Variants in VPS8 observed in about 807,000 individuals in gnomAD.
VPS8 encodes VPS8 subunit of CORVET complex, also known as vacuolar protein sorting-associated protein 8 homolog.
Under a neutral mutation model 216.4 loss-of-function variants are expected in VPS8, and 129 were observed. The observed-to-expected ratio is 0.60, with a 90% CI of 0.52 to 0.69. The LOEUF is 0.69. Ranked by LOEUF, VPS8 falls within the 30% of genes least tolerant of loss-of-function variation. The pLI, the probability that VPS8 is intolerant of heterozygous loss-of-function variation, is 0.00. For missense variants in VPS8, 1,531 were observed against 1,683.5 expected (o/e 0.91, Z 1.59); for synonymous variants, 571 against 565.4 (o/e 1.01, Z -0.14).
intron 20 of VPS8, among the ~76,000 whole-genome samples, chr3:184,870,324 T>C (rs1461471166): frequency 6.6e-6 from 1 of 152,192 alleles, no homozygotes; most frequent in Admixed American, 6.5e-5. Flanking sequence ...GTAAAAATTA[T>C]ATTCCAAATT....
chr3:184,916,199 G>A (rs1183648322), intron 28 of VPS8, among the ~76,000 whole-genome samples: 1 of 152,164 alleles, frequency 6.6e-6, no homozygotes, highest in Non-Finnish European at 1.5e-5. Flanking sequence ...ACCTTTATAC[G>A]TGTTCAATTA....
At chr3:184,848,956 A>G in intron 8 of VPS8, 115 bp from the exon 9 acceptor site, 3 of 1,136,990 alleles carry the variant, frequency 2.6e-6, no homozygotes, top group Non-Finnish European at 3.8e-6. Flanking sequence ...ATGTGACTTC[A>G]TTATCTGCTG....
At chr3:184,841,116 T>C (rs554717030) in intron 7 of VPS8, among the ~76,000 whole-genome samples, 2 of 152,254 alleles carry the variant, frequency 1.3e-5, no homozygotes, top group East Asian at 3.9e-4. Context: ...AAATTATAAT[T>C]CCCTTGAAGG....
intron 36 of VPS8, among the ~76,000 whole-genome samples, chr3:184,943,243 A>G (rs776459773): frequency 3.3e-5 from 5 of 152,246 alleles, no homozygotes; most frequent in Admixed American, 2.0e-4. Flanking sequence ...TGAGAAATAT[A>G]TAAATGACAT....
intron 45 of VPS8, 54 bp downstream of exon 45, chr3:184,999,915 T>C (rs2291737): frequency 0.96 from 1,479,248 of 1,535,724 alleles, 715,175 homozygotes; most frequent in Non-Finnish European, 0.98. Flanking sequence ...CCAATGTCAT[T>C]TGGGCCTGGT....
At position 184,849,952 on chromosome 3, in the gene VPS8, T is replaced by C; in HGVS notation, c.683T>C (p.Leu228Ser). 6.2e-7 allele frequency: 1 copy of C among 1,613,124 alleles called. No individual in the cohort carries two copies. Among genetic ancestry groups the C allele is most frequent in the Non-Finnish European group, 8.5e-7 (1 of 1,179,552 alleles). The change falls in exon 10 of 48, where the codon TTG (leucine) becomes TCG (serine). Residue 228 changes from leucine (L) to serine (S), a missense_variant. Transcript: ENST00000625842. Reference protein sequence around the residue: ...FAKGQITMWDLASGKLLRSIT... With the variant: ...FAKGQITMWDSASGKLLRSIT... Reference sequence around the variant, plus strand: ...GTCTTATAGATCACCATGTGGGATTTGGCCAGTGGAAAACTTCTAAGATCA... The same window carrying C: ...GTCTTATAGATCACCATGTGGGATTCGGCCAGTGGAAAACTTCTAAGATCA...
At chr3:184,883,252 AC>A (rs1193499214) in intron 21 of VPS8, among the ~76,000 whole-genome samples, 8 of 151,614 alleles carry the variant, frequency 5.3e-5, no homozygotes, top group Non-Finnish European at 1.0e-4. Flanking sequence ...TTTTCATCTC[AC>A]TCTATTGTCC....
At chr3:185,026,267 G>C (rs1453478416) in intron 46 of VPS8, among the ~76,000 whole-genome samples, 3 of 152,066 alleles carry the variant, frequency 2.0e-5, no homozygotes, top group Non-Finnish European at 4.4e-5. Context: ...GTAATCTAAA[G>C]ATGATTTAAA....
At chr3:184,857,967 G>C (rs1278166800) in intron 14 of VPS8, among the ~76,000 whole-genome samples, 2 of 152,136 alleles carry the variant, frequency 1.3e-5, no homozygotes, top group Admixed American at 6.5e-5. Context: ...CACATGAAGG[G>C]CCCACATTAA....
chr3:185,050,476 G>A (rs529308158), intron 47 of VPS8, among the ~76,000 whole-genome samples: 32 of 123,872 alleles, frequency 2.6e-4, no homozygotes, highest in African/African-American at 1.0e-3. Context: ...GTTTTCCACA[G>A]AAGTGACACA....
chr3:184,939,272 A>G (rs961122562), intron 35 of VPS8, among the ~76,000 whole-genome samples: 5 of 152,168 alleles, frequency 3.3e-5, no homozygotes, highest in South Asian at 2.1e-4. Context: ...AAATAACACA[A>G]AGTGATAGTG....
At chr3:184,915,299 C>T in intron 27 of VPS8, 56 bp from the exon 28 acceptor site, 4 of 1,571,874 alleles carry the variant, frequency 2.5e-6, no homozygotes, top group Non-Finnish European at 3.5e-6. Context: ...ATCACTGCTT[C>T]AGCAAGATAC....
At chr3:184,819,785 T>G (rs1010096185) in intron 1 of VPS8, among the ~76,000 whole-genome samples, 4 of 152,102 alleles carry the variant, frequency 2.6e-5, no homozygotes, top group Non-Finnish European at 5.9e-5. Context: ...CCCAAAAACT[T>G]TACTACTACT....
chr3:184,866,516 G>T (rs891845332), intron 16 of VPS8, among the ~76,000 whole-genome samples: 1 of 152,178 alleles, frequency 6.6e-6, no homozygotes, highest in Non-Finnish European at 1.5e-5. Context: ...ATTGAATTCT[G>T]TGCCTAATGA....
chr3:184,968,873 G>A (rs1002120519), intron 39 of VPS8, among the ~76,000 whole-genome samples: 1 of 152,068 alleles, frequency 6.6e-6, no homozygotes, highest in Non-Finnish European at 1.5e-5. Context: ...CTAATTCTCT[G>A]TAGATTACTT....
intron 42 of VPS8, among the ~76,000 whole-genome samples, chr3:184,987,439 A>G (rs1282028221): frequency 1.3e-5 from 2 of 151,406 alleles, no homozygotes; most frequent in Non-Finnish European, 2.9e-5. Flanking sequence ...AACTGTCCCT[A>G]TAGTTTTACC....
chr3:184,949,066 G>A (rs998943086), intron 36 of VPS8, among the ~76,000 whole-genome samples: 1 of 152,132 alleles, frequency 6.6e-6, no homozygotes, highest in East Asian at 1.9e-4. Context: ...ACCACTTTAG[G>A]AGGCTGAGAT....
intron 46 of VPS8, among the ~76,000 whole-genome samples, chr3:185,043,582 A>G: frequency 6.6e-6 from 1 of 152,184 alleles, no homozygotes; most frequent in African/African-American, 2.4e-5. Context: ...AACTGTCATG[A>G]CATTGTATGT....
intron 45 of VPS8, among the ~76,000 whole-genome samples, chr3:185,013,099 G>A (rs917609826): frequency 7.9e-5 from 12 of 152,226 alleles, no homozygotes; most frequent in African/African-American, 2.9e-4. Context: ...ATTGTTTGGG[G>A]TTTAAGAACA....
Sources: allele counts gnomAD v4.1 joint callset (sites outside exome capture counted in the v4.1 genomes callset), GRCh38; gene constraint gnomAD v4.1.1; transcripts MANE v1.5; gene names NCBI Gene and HGNC (gene_info 2026-07-23, HGNC 2026-07-21).